The following USP32 variants were observed in gnomAD, a reference collection of about 807,000 sequenced individuals.
The protein encoded by USP32 is ubiquitin specific peptidase 32.
Under a neutral mutation model 204.8 loss-of-function variants are expected in USP32, and 59 were observed. The ratio of observed to expected loss-of-function variants is 0.29; its 90% CI spans 0.23 to 0.36. The LOEUF is 0.36. Among genes scored for constraint, USP32 ranks in the 10% least tolerant of loss-of-function variants. The pLI is 1.00. For synonymous variants in USP32, 517 were observed against 678.4 expected (o/e 0.76, Z 3.70); for missense variants, 1,160 against 1,946.4 (o/e 0.60, Z 7.60).
chr17:60,236,275 A>C (rs190389510), intron 11 of USP32, 35 bp from the exon 12 acceptor site: 6 of 1,562,638 alleles, frequency 3.8e-6, no homozygotes, highest in Non-Finnish European at 5.3e-6. Context: ...ACATCAAACA[A>C]AGTGTGAAAT....
chr17:60,421,248 A>T, intron 1 of USP32: 1 of 624,662 alleles, frequency 1.6e-6, no homozygotes, highest in Non-Finnish European at 2.0e-6. Flanking sequence ...TCCCCTTACA[A>T]CAACAACAAC....
At chr17:60,347,499 G>A (rs1025395596) in intron 1 of USP32, among the ~76,000 whole-genome samples, 10 of 151,760 alleles carry the variant, frequency 6.6e-5, no homozygotes, top group Admixed American at 2.0e-4. Flanking sequence ...GACTACAGGC[G>A]CCCGCCACCA....
chr17:60,265,342 TA>T, intron 9 of USP32, 69 bp downstream of exon 9: 1 of 1,088,634 alleles, frequency 9.2e-7, no homozygotes. Context: ...AGCATGTATA[TA>T]AGCGATACAT....
intron 26 of USP32, among the ~76,000 whole-genome samples, chr17:60,199,656 T>C (rs1053443905): frequency 6.6e-6 from 1 of 152,216 alleles, no homozygotes; most frequent in African/African-American, 2.4e-5. Flanking sequence ...AAGCATTTTA[T>C]TTTGCCATTT....
rs111324705 is a variant in USP32, at chr17:60,256,175, G to GA, written c.991-918dup. Among the ~76,000 whole-genome samples, 27 of 148,396 alleles carry GA rather than the reference G, an allele frequency of 1.8e-4. No homozygotes were observed. The South Asian group carries it at 2.6e-3, about 14-fold the overall frequency. ...GCAACTAGCAAGACACCATCTCTTT[G>GA]AAAAAAAAAATAATAAAAATAAAGA... On this transcript the variant is annotated intron_variant, in intron 9 of 33. Transcript: ENST00000300896.
At chr17:60,372,845 TAAAAAAAAAAAAAAA>T (rs746725190) in intron 1 of USP32, among the ~76,000 whole-genome samples, 1 of 88,396 alleles carries the variant, frequency 1.1e-5, no homozygotes, top group Admixed American at 1.3e-4. Flanking sequence ...AGACCCTGTC[TAAAAAAAAAAAAAAA>T]AAAAAGACAA....
intron 2 of USP32, among the ~76,000 whole-genome samples, chr17:60,312,983 C>A (rs1222899136): frequency 6.6e-6 from 1 of 151,916 alleles, no homozygotes; most frequent in East Asian, 1.9e-4. Flanking sequence ...GTGGCTCATG[C>A]CTGTAATCCC....
intron 1 of USP32, among the ~76,000 whole-genome samples, chr17:60,379,521 T>C (rs902939240): frequency 3.9e-5 from 6 of 152,134 alleles, no homozygotes; most frequent in Admixed American, 3.3e-4. Flanking sequence ...TTTGGGGGCA[T>C]TTTCAAATTC....
chr17:60,230,738 C>T lies in USP32; in HGVS notation c.1240-4507G>A, dbSNP rs377398372. On this transcript the variant is annotated intron_variant, in intron 12 of 33. Transcript: ENST00000300896. ...GGTTCCTTCTTCCCCTTCCTACACG[C>T]TTATTTTTCTTGTTCCTTCTACCCT... Among the ~76,000 whole-genome samples, 12 of 152,318 alleles carry T rather than the reference C, an allele frequency of 7.9e-5. No individual in the cohort carries two copies. In the East Asian group the frequency reaches 2.3e-3, roughly 29 times the overall value.
At chr17:60,232,332 C>T (rs2085584924) in intron 12 of USP32, among the ~76,000 whole-genome samples, 1 of 151,352 alleles carries the variant, frequency 6.6e-6, no homozygotes, top group African/African-American at 2.4e-5. Flanking sequence ...GCCACCACGC[C>T]AGGCTAATTT....
intron 1 of USP32, among the ~76,000 whole-genome samples, chr17:60,384,530 G>A (rs1038499633): frequency 1.3e-5 from 2 of 152,192 alleles, no homozygotes; most frequent in Admixed American, 1.3e-4. Context: ...GGTGGCTCAT[G>A]CTTGTAATCC....
intron 1 of USP32, among the ~76,000 whole-genome samples, chr17:60,385,389 A>G (rs1342324009): frequency 6.6e-6 from 1 of 152,100 alleles, no homozygotes; most frequent in Non-Finnish European, 1.5e-5. Flanking sequence ...GTCTCTTCAC[A>G]TGGACGCGCA....
intron 2 of USP32, among the ~76,000 whole-genome samples, chr17:60,322,219 C>T (rs976446770): frequency 1.3e-5 from 2 of 152,040 alleles, no homozygotes; most frequent in African/African-American, 2.4e-5. Context: ...CCATGTTGCC[C>T]AGGCTTGCCT....
At chr17:60,247,960 A>G (rs1290051221) in intron 11 of USP32, among the ~76,000 whole-genome samples, 4 of 152,218 alleles carry the variant, frequency 2.6e-5, no homozygotes, top group African/African-American at 9.7e-5. Flanking sequence ...CTAGGATTAC[A>G]GGCGTGAGCC....
chr17:60,411,671 A>G (rs1301981141), intron 1 of USP32, among the ~76,000 whole-genome samples: 1 of 151,762 alleles, frequency 6.6e-6, no homozygotes, highest in East Asian at 2.0e-4. Flanking sequence ...CACCATGTAC[A>G]GCTCCTATTC....
chr17:60,271,143 G>A (rs1376791601), intron 6 of USP32, among the ~76,000 whole-genome samples: 1 of 152,180 alleles, frequency 6.6e-6, no homozygotes, highest in Admixed American at 6.5e-5. Context: ...GGTGCAGAGA[G>A]CTAAACTGAT....
intron 1 of USP32, among the ~76,000 whole-genome samples, chr17:60,352,295 T>C (rs1464083967): frequency 1.3e-5 from 2 of 152,142 alleles, no homozygotes; most frequent in Admixed American, 6.5e-5. Flanking sequence ...ACCTGGCACT[T>C]AGATATACAA....
chr17:60,386,809 T>C (rs1044696405), intron 1 of USP32, among the ~76,000 whole-genome samples: 1 of 152,198 alleles, frequency 6.6e-6, no homozygotes, highest in South Asian at 2.1e-4. Context: ...TTATCTCCTC[T>C]TGTCAGAGAC....
chr17:60,192,175 C>T (rs547453059), intron 28 of USP32, among the ~76,000 whole-genome samples: 5 of 151,856 alleles, frequency 3.3e-5, no homozygotes, highest in Non-Finnish European at 5.9e-5. Flanking sequence ...CCTGTAGTCC[C>T]GGCTACTCGG....
Sources: gnomAD v4.1 joint callset for allele counts (sites outside exome capture counted in the v4.1 genomes callset) on GRCh38, gnomAD v4.1.1 for gene constraint, MANE v1.5 for transcripts, NCBI Gene and HGNC (gene_info 2026-07-23, HGNC 2026-07-21) for gene names.